The following PHTF2 variants were observed in gnomAD, a reference collection of about 807,000 sequenced individuals.
PHTF2 encodes protein PHTF2.
PHTF2 carries 60 observed loss-of-function variants against 101.2 expected under a neutral mutation model. The observed-to-expected ratio is 0.59, with a 90% CI of 0.48 to 0.73. The LOEUF is 0.73. Ranked by LOEUF, PHTF2 falls within the 30% of genes least tolerant of loss-of-function variation. The pLI, the probability that PHTF2 is intolerant of heterozygous loss-of-function variation, is 0.00. For synonymous variants in PHTF2, 311 were observed against 307.3 expected (o/e 1.01, Z -0.13); for missense variants, 747 against 908.7 (o/e 0.82, Z 2.29).
intron 5 of PHTF2, among the ~76,000 whole-genome samples, chr7:77,894,791 G>A (rs769513435): frequency 1.3e-5 from 2 of 152,096 alleles, no homozygotes; most frequent in Non-Finnish European, 2.9e-5. Flanking sequence ...TTAACTCAAG[G>A]AAGACATTTC....
At chr7:77,908,830 A>G in exon 8 of PHTF2, 1 of 1,611,350 alleles carries the variant, frequency 6.2e-7, no homozygotes. Context: ...CTTCTAGCCC[A>G]CACAGCATAC....
chr7:77,910,285 G>A (rs762852226), exon 9 of PHTF2: 1 of 1,613,574 alleles, frequency 6.2e-7, no homozygotes, highest in Non-Finnish European at 8.5e-7. Context: ...ACATAGGGAA[G>A]GAGATGGTTC....
rs1352442257 is a variant in PHTF2 at position 77,908,547 on chromosome 7, G to A, written c.446-246G>A. Among the ~76,000 whole-genome samples, 5 of 152,130 alleles carry A rather than the reference G, an allele frequency of 3.3e-5. No individual in the cohort carries two copies. The East Asian group carries it at 9.6e-4, about 29-fold the overall frequency. On this transcript the variant is annotated intron_variant, in intron 7 of 19. Transcript: ENST00000416283. ...ATATGCATCTAATTTACGTTGCAGCGTTGAGGTGTAGTTTAGAGACTATGT... is the reference window on the plus strand; with the variant it reads ...ATATGCATCTAATTTACGTTGCAGCATTGAGGTGTAGTTTAGAGACTATGT...
At chr7:77,954,460 CT>C (rs1242309202) in intron 19 of PHTF2, among the ~76,000 whole-genome samples, 1 of 151,636 alleles carries the variant, frequency 6.6e-6, no homozygotes, top group African/African-American at 2.4e-5. Flanking sequence ...ACTAATAAAG[CT>C]TTAATTTAGG....
chr7:77,821,981 T>TG (rs547259818), intron 1 of PHTF2, among the ~76,000 whole-genome samples: 246 of 152,084 alleles, frequency 1.6e-3, no homozygotes, highest in Middle Eastern at 0.01. Flanking sequence ...ATGTCTGCAG[T>TG]GGGGGAGTGC....
intron 9 of PHTF2, among the ~76,000 whole-genome samples, chr7:77,913,061 T>G (rs1802555339): frequency 6.6e-6 from 1 of 152,078 alleles, no homozygotes; most frequent in Non-Finnish European, 1.5e-5. Flanking sequence ...TTTATGAACC[T>G]GAGAAAACAA....
chr7:77,852,902 C>A (rs1796883717), intron 2 of PHTF2, among the ~76,000 whole-genome samples: 1 of 152,114 alleles, frequency 6.6e-6, no homozygotes, highest in African/African-American at 2.4e-5. Context: ...ATATGTCATG[C>A]CACTCTCTCC....
At chr7:77,860,717 G>T (rs182655127) in intron 3 of PHTF2, among the ~76,000 whole-genome samples, 2,374 of 152,112 alleles carry the variant, frequency 0.016, 30 homozygotes, top group Non-Finnish European at 0.023. Context: ...TTTGTTAATT[G>T]CTCTTTTTTT....
At chr7:77,865,560 T>C (rs1263185399) in intron 3 of PHTF2, among the ~76,000 whole-genome samples, 1 of 152,194 alleles carries the variant, frequency 6.6e-6, no homozygotes, top group Non-Finnish European at 1.5e-5. Context: ...ATTCTACTTC[T>C]GTATTACAGT....
intron 3 of PHTF2, among the ~76,000 whole-genome samples, chr7:77,855,816 G>A (rs73375825): frequency 8.5e-5 from 13 of 152,300 alleles, no homozygotes; most frequent in South Asian, 8.3e-4. Context: ...CCCCAAGCAC[G>A]TTGATATACT....
chr7:77,803,264 A>G (rs1215850597), intron 1 of PHTF2, among the ~76,000 whole-genome samples: 1 of 152,234 alleles, frequency 6.6e-6, no homozygotes, highest in Non-Finnish European at 1.5e-5. Flanking sequence ...GGAAAAGTGC[A>G]TAGTATGCAG....
At chr7:77,942,490 A>T (rs550616767) in intron 15 of PHTF2, among the ~76,000 whole-genome samples, 1 of 152,374 alleles carries the variant, frequency 6.6e-6, no homozygotes, top group East Asian at 1.9e-4. Context: ...ATATAAATAT[A>T]GATACCCTTT....
intron 16 of PHTF2, among the ~76,000 whole-genome samples, chr7:77,947,826 C>CTTTCTTTTT (rs1562976127): frequency 1.2e-4 from 10 of 86,926 alleles, no homozygotes; most frequent in African/African-American, 3.8e-4. Context: ...TTTCTTTTTT[C>CTTTCTTTTT]TTTTTTCTTT....
chr7:77,920,330 C>G, exon 10 of PHTF2: 1 of 1,605,698 alleles, frequency 6.2e-7, no homozygotes, highest in Non-Finnish European at 8.5e-7. Flanking sequence ...CTGACAATGG[C>G]TATGTATCCC....
At chr7:77,953,057 C>T (rs562363289) in intron 18 of PHTF2, among the ~76,000 whole-genome samples, 2 of 152,206 alleles carry the variant, frequency 1.3e-5, no homozygotes, top group South Asian at 2.1e-4. Context: ...TGTACTTGGG[C>T]CCTAACAATG....
At chr7:77,951,594 C>A in intron 17 of PHTF2, 23 bp from the exon 17 acceptor site, 1 of 932,790 alleles carries the variant, frequency 1.1e-6, no homozygotes, top group South Asian at 1.6e-5. Context: ...TAATTTGAAG[C>A]ATTTCTATTC....
chr7:77,822,504 A>C (rs563185550), intron 1 of PHTF2, among the ~76,000 whole-genome samples: 1 of 152,314 alleles, frequency 6.6e-6, no homozygotes. Flanking sequence ...GCGCAGCTGC[A>C]TGAATTCCTG....
exon 20 of PHTF2, chr7:77,956,901 G>C (rs1807017902): frequency 6.6e-6 from 1 of 152,148 alleles, no homozygotes; most frequent in African/African-American, 2.4e-5. Context: ...GATTTATTAA[G>C]TACAGTATAC....
chr7:77,826,696 G>T (rs901438001), intron 1 of PHTF2, among the ~76,000 whole-genome samples: 2 of 152,214 alleles, frequency 1.3e-5, no homozygotes, highest in Non-Finnish European at 2.9e-5. Context: ...GTTAGGAAAG[G>T]TCTTTATTTT....
Sources: gnomAD v4.1 joint callset for allele counts (sites outside exome capture counted in the v4.1 genomes callset) on GRCh38, gnomAD v4.1.1 for gene constraint, MANE v1.5 for transcripts, NCBI Gene and HGNC (gene_info 2026-07-23, HGNC 2026-07-21) for gene names.